The following AEBP2 variants were observed in gnomAD, a reference collection of about 807,000 sequenced individuals.
AEBP2 encodes the protein zinc finger protein AEBP2.
AEBP2 carries 10 observed loss-of-function variants against 50.8 expected under a neutral mutation model. The ratio of observed to expected loss-of-function variants is 0.20; its 90% confidence interval spans 0.12 to 0.33. The LOEUF is 0.33. Among genes scored for constraint, AEBP2 ranks in the 10% least tolerant of loss-of-function variants. The pLI is 1.00. For synonymous variants in AEBP2, 296 were observed against 261.3 expected (o/e 1.13, Z -1.28); for missense variants, 570 against 688.0 (o/e 0.83, Z 1.92).
chr12:19,412,700 C>T (rs958484433), intron 1 of AEBP2, among the ~76,000 whole-genome samples: 12 of 152,166 alleles, frequency 7.9e-5, no homozygotes, highest in Non-Finnish European at 1.5e-4. Context: ...TCGCAAAGTG[C>T]TGGTGTTACA....
intron 3 of AEBP2, among the ~76,000 whole-genome samples, chr12:19,492,395 C>T (rs1470078784): frequency 1.3e-5 from 2 of 152,108 alleles, no homozygotes; most frequent in Non-Finnish European, 2.9e-5. Context: ...GCACATCTGT[C>T]AGGTGACTCG....
At position 19,466,894 on chromosome 12, in the gene AEBP2, C is replaced by T. The variant is rs968840321; in HGVS notation, c.879+4177C>T. ...AACTATATTAATTTCTGTTCTTTTT[C>T]TCATTCCACTATAATCTTTGCCCTG... On this transcript the variant is annotated intron_variant, in intron 2 of 7. Transcript: ENST00000266508. The T allele has an allele frequency of 3.3e-5, 25 of 750,540 alleles. No homozygotes were observed. In the African/African-American group the frequency reaches 4.8e-4, roughly 14 times the overall value. 46.5% of individuals were successfully genotyped at this position (750,540 alleles called of 1,614,324 possible).
At chr12:19,434,552 C>T (rs1161269804), upstream of AEBP2, among the ~76,000 whole-genome samples, 1 of 151,804 alleles carries the variant, frequency 6.6e-6, no homozygotes, top group Non-Finnish European at 1.5e-5. Context: ...ATGAAAGCTA[C>T]TTTTAGTACC....
intron 3 of AEBP2, among the ~76,000 whole-genome samples, chr12:19,482,641 C>G (rs992864621): frequency 1.3e-5 from 2 of 151,992 alleles, no homozygotes; most frequent in African/African-American, 2.4e-5. Context: ...TGGCTTCTGG[C>G]GAGATGGGTG....
intron 6 of AEBP2, among the ~76,000 whole-genome samples, chr12:19,513,437 G>C (rs1949266683): frequency 6.6e-6 from 1 of 152,146 alleles, no homozygotes; most frequent in South Asian, 2.1e-4. Context: ...CATTGAAGGA[G>C]ATTTCATTAT....
At chr12:19,491,795 T>C (rs1410352929) in intron 3 of AEBP2, among the ~76,000 whole-genome samples, 1 of 152,192 alleles carries the variant, frequency 6.6e-6, no homozygotes, top group African/African-American at 2.4e-5. Flanking sequence ...TGCAAGATGC[T>C]TCTGGGAATA....
chr12:19,442,790 T>A (rs567711275), intron 1 of AEBP2, among the ~76,000 whole-genome samples: 23 of 152,226 alleles, frequency 1.5e-4, no homozygotes, highest in Admixed American at 4.6e-4. Context: ...CTGAAACATC[T>A]TCTTGTTGCC....
At chr12:19,511,182 A>G (rs1162538162) in intron 5 of AEBP2, among the ~76,000 whole-genome samples, 3 of 152,006 alleles carry the variant, frequency 2.0e-5, no homozygotes, top group Non-Finnish European at 4.4e-5. Flanking sequence ...TTTTCATATA[A>G]ATAAGTCTTT....
chr12:19,506,068 C>T (rs1266700922), intron 5 of AEBP2, among the ~76,000 whole-genome samples: 7 of 151,772 alleles, frequency 4.6e-5, no homozygotes, highest in Admixed American at 4.6e-4. Flanking sequence ...TGGAGTGAGC[C>T]ACCGTGCCTG....
chr12:19,513,947 T>TC (rs1349325190), intron 6 of AEBP2, among the ~76,000 whole-genome samples: 1 of 141,258 alleles, frequency 7.1e-6, no homozygotes, highest in Non-Finnish European at 1.5e-5. Context: ...ATTTATTTCT[T>TC]TTTTTTTTTT....
chr12:19,519,124 A>G lies in AEBP2; in HGVS notation c.*1007A>G, dbSNP rs1949363386. The G allele has an allele frequency of 6.5e-6, 1 of 153,072 alleles. No individual in the cohort carries two copies. Among genetic ancestry groups the G allele is most frequent in the Non-Finnish European group, 1.5e-5 (1 of 68,362 alleles). 9.5% of individuals were successfully genotyped at this position (153,072 alleles called of 1,614,324 possible). ...CAAGAAGCCATATCGATTTTTTTTA[A>G]CTTACAGAAATGGAAATATGTGTAA... On this transcript the variant is annotated 3_prime_UTR_variant, in exon 8 of 8. Coordinates refer to ENST00000266508, the MANE Select transcript of AEBP2 (RefSeq NM_153207.5).
chr12:19,413,406 A>G, intron 1 of AEBP2: 1 of 1,051,590 alleles, frequency 9.5e-7, no homozygotes. Flanking sequence ...AGACAACAAC[A>G]GTGAAATTCA....
intron 7 of AEBP2, among the ~76,000 whole-genome samples, chr12:19,515,897 C>A (rs1012461018): frequency 2.0e-5 from 3 of 151,954 alleles, no homozygotes; most frequent in African/African-American, 7.3e-5. Flanking sequence ...TCTAGGAGTT[C>A]GAGACCAGCC....
At chr12:19,414,501 G>T (rs528999357) in intron 1 of AEBP2, among the ~76,000 whole-genome samples, 24 of 152,246 alleles carry the variant, frequency 1.6e-4, no homozygotes, top group Middle Eastern at 3.4e-3. Flanking sequence ...ACTAGGATGA[G>T]GTGAGAGAGG....
intron 1 of AEBP2, among the ~76,000 whole-genome samples, chr12:19,432,509 CA>C (rs1346096550): frequency 2.0e-5 from 3 of 152,140 alleles, no homozygotes; most frequent in Non-Finnish European, 4.4e-5. Flanking sequence ...GCCTGGGCAA[CA>C]TGGCAAAATC....
intron 7 of AEBP2, among the ~76,000 whole-genome samples, chr12:19,516,672 G>A (rs893756255): frequency 6.6e-6 from 1 of 152,146 alleles, no homozygotes; most frequent in Non-Finnish European, 1.5e-5. Context: ...TCTTGGAAAT[G>A]AGGTTGTTCT....
intron 1 of AEBP2, chr12:19,457,078 T>G: frequency 1.2e-6 from 2 of 1,605,658 alleles, no homozygotes. Context: ...TGCTTCTGTG[T>G]CGGGGTTGTA....
At chr12:19,462,816 AT>A (rs1158323023) in intron 2 of AEBP2, 99 bp downstream of exon 2, 20 of 1,074,136 alleles carry the variant, frequency 1.9e-5, no homozygotes, top group Non-Finnish European at 2.6e-5. Context: ...ATTTGGGATT[AT>A]TTTTACACAG....
intron 1 of AEBP2, among the ~76,000 whole-genome samples, chr12:19,452,901 A>G (rs188327308): frequency 4.6e-5 from 7 of 150,924 alleles, no homozygotes; most frequent in South Asian, 4.2e-4. Flanking sequence ...CCTTTGTATC[A>G]TTGTAATGTT....
Sources: allele counts gnomAD v4.1 joint callset (sites outside exome capture counted in the v4.1 genomes callset), GRCh38; gene constraint gnomAD v4.1.1; transcripts MANE v1.5; gene names NCBI Gene and HGNC (gene_info 2026-07-23, HGNC 2026-07-21).